SLC71A2: variants seen among roughly 807,000 people sequenced by gnomAD.
The protein encoded by SLC71A2 is hippocampus abundant transcript-like 1.
At chr9:94,440,920 G>T in the SLC71A2 span, 5 of 900,426 alleles carry the variant, frequency 5.6e-6, no homozygotes, top group South Asian at 4.9e-5. Context: ...GATGTCTTTG[G>T]CTCAGGTAAT....
At chr9:94,449,002 A>C in the SLC71A2 span, among the ~76,000 whole-genome samples, 1 of 152,196 alleles carries the variant, frequency 6.6e-6, no homozygotes, top group African/African-American at 2.4e-5. Context: ...AAGAATGGTG[A>C]GATAGTGTAG....
chr9:94,459,660 G>A, the SLC71A2 span: 2 of 425,430 alleles, frequency 4.7e-6, no homozygotes, highest in East Asian at 4.0e-5. Context: ...TGCAAATAAT[G>A]TGCAACTCCC....
the SLC71A2 span, among the ~76,000 whole-genome samples, chr9:94,430,639 C>T: frequency 5.3e-5 from 8 of 152,076 alleles, no homozygotes; most frequent in Admixed American, 4.6e-4. Context: ...ACATTGTTCT[C>T]GAACAGTTAC....
the SLC71A2 span, among the ~76,000 whole-genome samples, chr9:94,416,508 G>A: frequency 2.6e-5 from 4 of 152,140 alleles, no homozygotes; most frequent in South Asian, 2.1e-4. Flanking sequence ...TTAGCCTTAC[G>A]TAAGACTTTG....
chr9:94,424,242 C>CGGG, the SLC71A2 span, among the ~76,000 whole-genome samples: 1 of 148,314 alleles, frequency 6.7e-6, no homozygotes, highest in East Asian at 1.9e-4. Flanking sequence ...TTTTTTTTGG[C>CGGG]GGAGGGGGGA....
chr9:94,396,130 G>T, the SLC71A2 span, among the ~76,000 whole-genome samples: 1 of 151,282 alleles, frequency 6.6e-6, no homozygotes, highest in Non-Finnish European at 1.5e-5. Flanking sequence ...TGGGATATCC[G>T]CAGCTGCTCA....
the SLC71A2 span, among the ~76,000 whole-genome samples, chr9:94,408,818 GT>G: frequency 9.2e-5 from 8 of 86,654 alleles, 1 homozygote; most frequent in Admixed American, 3.0e-4. Context: ...TCCTTTTTCT[GT>G]TTTTTTTGTT....
the SLC71A2 span, chr9:94,458,434 G>A: frequency 4.0e-5 from 65 of 1,613,882 alleles, no homozygotes; most frequent in Middle Eastern, 1.6e-4. Context: ...AGTTGGGCCC[G>A]AAATTGAATT....
chr9:94,438,713 G>C, the SLC71A2 span, among the ~76,000 whole-genome samples: 11 of 152,190 alleles, frequency 7.2e-5, no homozygotes, highest in African/African-American at 2.7e-4. Context: ...AAATGGGGTA[G>C]TGAAGACATT....
chr9:94,447,481 GTTTTTT>G, the SLC71A2 span, among the ~76,000 whole-genome samples: 128 of 98,360 alleles, frequency 1.3e-3, 1 homozygote, highest in Non-Finnish European at 3.9e-4. Flanking sequence ...TGCCCAGCCT[GTTTTTT>G]TTTTTTTTTT....
chr9:94,391,671 T>C, the SLC71A2 span, among the ~76,000 whole-genome samples: 1 of 149,230 alleles, frequency 6.7e-6, no homozygotes. Context: ...GCGGATTGCC[T>C]CTGTTCAGGA....
At chr9:94,391,828 G>A in the SLC71A2 span, among the ~76,000 whole-genome samples, 1 of 151,758 alleles carries the variant, frequency 6.6e-6, no homozygotes, top group Non-Finnish European at 1.5e-5. Context: ...GCAGTGAGCC[G>A]AGATTGCGCC....
chr9:94,386,537 G>A, the SLC71A2 span, among the ~76,000 whole-genome samples: 1 of 151,874 alleles, frequency 6.6e-6, no homozygotes, highest in African/African-American at 2.4e-5. Flanking sequence ...GTGCTTATCA[G>A]TACCCTGCTG....
At chr9:94,455,729 C>T in the SLC71A2 span, among the ~76,000 whole-genome samples, 5 of 152,114 alleles carry the variant, frequency 3.3e-5, no homozygotes, top group African/African-American at 9.7e-5. Flanking sequence ...ATAGTTAAGA[C>T]TCTTATTGAG....
the SLC71A2 span, chr9:94,459,085 TG>T: frequency 6.8e-7 from 1 of 1,459,884 alleles, no homozygotes; most frequent in Non-Finnish European, 9.4e-7. Flanking sequence ...GTGTTTTTTT[TG>T]GGTAATCTAG....
chr9:94,434,571 T>TCC, the SLC71A2 span, among the ~76,000 whole-genome samples: 1 of 152,134 alleles, frequency 6.6e-6, no homozygotes, highest in Non-Finnish European at 1.5e-5. Flanking sequence ...CGCCTCAGCC[T>TCC]CCCAAAGTGC....
At chr9:94,401,946 C>T in the SLC71A2 span, among the ~76,000 whole-genome samples, 1 of 152,182 alleles carries the variant, frequency 6.6e-6, no homozygotes, top group South Asian at 2.1e-4. Flanking sequence ...ATTCATGCCT[C>T]CCCCTTTTAG....
the SLC71A2 span, among the ~76,000 whole-genome samples, chr9:94,413,792 T>C: frequency 2.1e-4 from 32 of 152,308 alleles, no homozygotes; most frequent in African/African-American, 7.0e-4. Flanking sequence ...TGATTTCTCT[T>C]GGTGTGTCTC....
the SLC71A2 span, among the ~76,000 whole-genome samples, chr9:94,379,473 T>C: frequency 7.0e-6 from 1 of 143,762 alleles, no homozygotes; most frequent in East Asian, 2.2e-4. Flanking sequence ...TGCTGTAACC[T>C]TAAACTCCTG....
Sources: gnomAD v4.1 joint callset for allele counts (sites outside exome capture counted in the v4.1 genomes callset) on GRCh38, gnomAD v4.1.1 for gene constraint, MANE v1.5 for transcripts, NCBI Gene and HGNC (gene_info 2026-07-23, HGNC 2026-07-21) for gene names.